The following TAFA1 variants were observed in gnomAD, a reference collection of about 807,000 sequenced individuals.
The protein encoded by TAFA1 is TAFA chemokine like family member 1, also known as chemokine-like protein TAFA-1.
TAFA1 carries 4 observed loss-of-function variants against 18.5 expected under a neutral mutation model. The ratio of observed to expected loss-of-function variants is 0.22; its 90% confidence interval spans 0.11 to 0.49. The LOEUF (loss-of-function observed/expected upper bound fraction) is 0.49. Ranked by LOEUF, TAFA1 falls within the 20% of genes least tolerant of loss-of-function variation. The pLI, the probability that TAFA1 is intolerant of heterozygous loss-of-function variation, is 0.98. For missense variants in TAFA1, 147 were observed against 169.0 expected (o/e 0.87, Z 0.72); for synonymous variants, 56 against 55.2 (o/e 1.01, Z -0.06).
intron 2 of TAFA1, among the ~76,000 whole-genome samples, chr3:68,147,588 C>A (rs1257194629): frequency 6.6e-6 from 1 of 152,148 alleles, no homozygotes. Flanking sequence ...ATATGAAACA[C>A]TCCTCAAAAC....
At chr3:68,540,287 G>C (rs1160348164) in intron 4 of TAFA1, among the ~76,000 whole-genome samples, 1 of 151,990 alleles carries the variant, frequency 6.6e-6, no homozygotes, top group Non-Finnish European at 1.5e-5. Flanking sequence ...AACCACCCTA[G>C]CTTGCTAACA....
intron 3 of TAFA1, among the ~76,000 whole-genome samples, chr3:68,500,696 G>C (rs1331874100): frequency 1.1e-5 from 1 of 89,518 alleles, no homozygotes; most frequent in East Asian, 4.2e-4. Context: ...TTTATTATCT[G>C]GTCTTTTATG....
At chr3:68,279,421 T>C (rs747828201) in intron 2 of TAFA1, among the ~76,000 whole-genome samples, 3 of 152,154 alleles carry the variant, frequency 2.0e-5, no homozygotes, top group Non-Finnish European at 4.4e-5. Flanking sequence ...TAATTATTAA[T>C]CTTATCAAGA....
chr3:68,256,860 C>T lies in TAFA1; in HGVS notation c.119-160420C>T, dbSNP rs563717465. ...TCTGGCCCCAAAACCTTTGTATGAGCCACAATAGTCACATCCCTGGGACAT... is the reference window on the plus strand; with the variant it reads ...TCTGGCCCCAAAACCTTTGTATGAGTCACAATAGTCACATCCCTGGGACAT... On this transcript the variant is annotated intron_variant, in intron 2 of 4. Coordinates refer to ENST00000478136, the MANE Select transcript of TAFA1 (RefSeq NM_213609.4). Among the ~76,000 whole-genome samples the T allele has an allele frequency of 2.0e-5, 3 of 152,186 alleles. No homozygotes were observed. The East Asian group carries it at 5.8e-4, about 29-fold the overall frequency.
chr3:68,367,509 G>T (rs1020705539), intron 2 of TAFA1, among the ~76,000 whole-genome samples: 2 of 152,274 alleles, frequency 1.3e-5, no homozygotes, highest in African/African-American at 4.8e-5. Context: ...GGAGTCAAAG[G>T]TGAAACATGT....
intron 2 of TAFA1, among the ~76,000 whole-genome samples, chr3:68,325,345 T>A (rs1366059101): frequency 1.3e-5 from 2 of 152,176 alleles, no homozygotes; most frequent in East Asian, 3.9e-4. Context: ...CCCCAAATAC[T>A]AATTATGTGA....
intron 3 of TAFA1, among the ~76,000 whole-genome samples, chr3:68,533,791 T>C (rs1414102762): frequency 6.6e-6 from 1 of 152,148 alleles, no homozygotes; most frequent in Admixed American, 6.5e-5. Context: ...CTTGCACTTA[T>C]CTGTTTAGAA....
chr3:68,051,749 G>A (rs907772270), intron 2 of TAFA1, among the ~76,000 whole-genome samples: 2 of 151,978 alleles, frequency 1.3e-5, no homozygotes, highest in South Asian at 4.1e-4. Flanking sequence ...TTGAAAAGAT[G>A]TATGGAAATA....
At chr3:68,448,613 T>C (rs2071513630) in intron 3 of TAFA1, among the ~76,000 whole-genome samples, 1 of 152,172 alleles carries the variant, frequency 6.6e-6, no homozygotes, top group Non-Finnish European at 1.5e-5. Flanking sequence ...GGTGATTTTT[T>C]TTTTTTTCTA....
intron 3 of TAFA1, among the ~76,000 whole-genome samples, chr3:68,456,077 G>A (rs562617875): frequency 6.6e-6 from 1 of 152,220 alleles, no homozygotes; most frequent in East Asian, 1.9e-4. Context: ...AACTTTAAAA[G>A]GCAATTATTT....
intron 2 of TAFA1, among the ~76,000 whole-genome samples, chr3:68,198,418 A>G (rs2066436434): frequency 6.6e-6 from 1 of 151,564 alleles, no homozygotes; most frequent in African/African-American, 2.4e-5. Context: ...TTATGGTGAG[A>G]GTATGTTTAG....
chr3:68,272,885 G>A (rs1338681802), intron 2 of TAFA1, among the ~76,000 whole-genome samples: 1 of 152,084 alleles, frequency 6.6e-6, no homozygotes. Context: ...AACTGAGCTG[G>A]ACAGTCAGAG....
chr3:68,438,213 T>C (rs1055005605), intron 3 of TAFA1, among the ~76,000 whole-genome samples: 3 of 152,052 alleles, frequency 2.0e-5, no homozygotes, highest in South Asian at 4.2e-4. Flanking sequence ...CAAAAATTCA[T>C]TGGGTCTGGT....
intron 2 of TAFA1, among the ~76,000 whole-genome samples, chr3:68,232,985 T>C (rs1201107263): frequency 2.0e-5 from 3 of 152,162 alleles, no homozygotes; most frequent in African/African-American, 7.2e-5. Flanking sequence ...AATATATGAG[T>C]TCCCTTTTCT....
At chr3:68,388,540 C>A (rs1167291780) in intron 2 of TAFA1, among the ~76,000 whole-genome samples, 1 of 151,538 alleles carries the variant, frequency 6.6e-6, no homozygotes, top group South Asian at 2.1e-4. Flanking sequence ...CTGTATTCAG[C>A]TCATTTTGCC....
intron 3 of TAFA1, among the ~76,000 whole-genome samples, chr3:68,428,007 A>G (rs2071091411): frequency 6.6e-6 from 1 of 151,964 alleles, no homozygotes; most frequent in Admixed American, 6.6e-5. Context: ...TCATTTATAC[A>G]TTACCCAGTC....
intron 2 of TAFA1, among the ~76,000 whole-genome samples, chr3:68,404,862 G>A (rs531230945): frequency 2.0e-5 from 3 of 151,576 alleles, no homozygotes; most frequent in Non-Finnish European, 2.9e-5. Flanking sequence ...GGCTCAGCAA[G>A]AGGACCAACT....
At chr3:68,373,600 C>T (rs2069754467) in intron 2 of TAFA1, among the ~76,000 whole-genome samples, 1 of 152,160 alleles carries the variant, frequency 6.6e-6, no homozygotes, top group Non-Finnish European at 1.5e-5. Flanking sequence ...CATTGAAGCC[C>T]TTGGCAAACA....
intron 2 of TAFA1, among the ~76,000 whole-genome samples, chr3:68,242,419 G>A (rs976582867): frequency 1.3e-5 from 2 of 152,038 alleles, no homozygotes; most frequent in Non-Finnish European, 2.9e-5. Flanking sequence ...GACATATGAA[G>A]CAACCATGCC....
Sources: allele counts gnomAD v4.1 joint callset (sites outside exome capture counted in the v4.1 genomes callset), GRCh38; gene constraint gnomAD v4.1.1; transcripts MANE v1.5; gene names NCBI Gene and HGNC (gene_info 2026-07-23, HGNC 2026-07-21).